GPHN: variants seen among roughly 807,000 people sequenced by gnomAD.
GPHN encodes the protein gephyrin.
GPHN carries 17 observed loss-of-function variants against 95.5 expected under a neutral mutation model. That is an observed-to-expected ratio of 0.18 (90% CI 0.12 to 0.27). The LOEUF (loss-of-function observed/expected upper bound fraction) is 0.27, where lower values mean the gene tolerates loss of function less well. Ranked by LOEUF, GPHN falls within the 10% of genes least tolerant of loss-of-function variation. GPHN has a pLI of 1.00. For missense variants in GPHN, 660 were observed against 978.1 expected, an observed-to-expected ratio of 0.67 and a Z score of 4.34; for synonymous variants, 320 against 322.5, an observed-to-expected ratio of 0.99 and a Z score of 0.08.
chr14:67,634,647 T>G, the GPHN span, among the ~76,000 whole-genome samples: 1 of 151,670 alleles, frequency 6.6e-6, no homozygotes, highest in South Asian at 2.1e-4. Flanking sequence ...TATTGCTCCC[T>G]TTTTTGAAAT....
At chr14:67,462,362 T>A in the GPHN span, among the ~76,000 whole-genome samples, 2 of 152,152 alleles carry the variant, frequency 1.3e-5, no homozygotes, top group African/African-American at 4.8e-5. Flanking sequence ...GCTTTTAAAT[T>A]TTTAGAGAGC....
intron 10 of GPHN, among the ~76,000 whole-genome samples, chr14:67,029,304 A>G (rs763661059): frequency 5.3e-5 from 8 of 150,906 alleles, no homozygotes; most frequent in Non-Finnish European, 1.0e-4. Context: ...TACTATGATT[A>G]GTATACTGGT....
At chr14:66,593,300 TAAAA>T (rs529882762) in intron 1 of GPHN, among the ~76,000 whole-genome samples, 3 of 139,728 alleles carry the variant, frequency 2.1e-5, no homozygotes, top group Admixed American at 7.1e-5. Flanking sequence ...TTAAAGTATT[TAAAA>T]AAAAAAAAAA....
intron 2 of GPHN, among the ~76,000 whole-genome samples, chr14:66,770,104 T>C (rs2059112595): frequency 6.6e-6 from 1 of 152,150 alleles, no homozygotes. Context: ...TTTCTCATGA[T>C]TGTTGGCTGT....
intron 17 of GPHN, among the ~76,000 whole-genome samples, chr14:67,137,846 A>G (rs1313305986): frequency 6.6e-6 from 1 of 152,184 alleles, no homozygotes; most frequent in African/African-American, 2.4e-5. Flanking sequence ...TTGTTAATGA[A>G]GAAAGATTTA....
At chr14:67,036,530 CACACACACACAG>C (rs1335889038) in intron 10 of GPHN, among the ~76,000 whole-genome samples, 3 of 149,900 alleles carry the variant, frequency 2.0e-5, no homozygotes, top group Admixed American at 6.7e-5. Context: ...CACACACACA[CACACACACACAG>C]AGAAACACTA....
intron 17 of GPHN, among the ~76,000 whole-genome samples, chr14:67,125,894 A>C (rs992557950): frequency 4.6e-5 from 7 of 152,076 alleles, no homozygotes; most frequent in African/African-American, 1.4e-4. Flanking sequence ...TTTAAATTCT[A>C]TATGATTCTA....
chr14:67,724,098 A>T, the GPHN span, among the ~76,000 whole-genome samples: 181 of 150,156 alleles, frequency 1.2e-3, no homozygotes, highest in Non-Finnish European at 2.1e-3. Flanking sequence ...GCTAATGTTT[A>T]TCATGCATAT....
At chr14:67,542,803 C>T in the GPHN span, among the ~76,000 whole-genome samples, 1 of 152,272 alleles carries the variant, frequency 6.6e-6, no homozygotes, top group African/African-American at 2.4e-5. Context: ...TGGGCTCAAG[C>T]GATTCTCCTG....
intron 1 of GPHN, among the ~76,000 whole-genome samples, chr14:66,643,020 A>G (rs1172171745): frequency 6.6e-6 from 1 of 152,094 alleles, no homozygotes; most frequent in Admixed American, 6.6e-5. Context: ...AAGGTAAATC[A>G]TAGAATGAAA....
At chr14:66,583,818 G>T (rs1182366709) in intron 1 of GPHN, among the ~76,000 whole-genome samples, 1 of 151,992 alleles carries the variant, frequency 6.6e-6, no homozygotes, top group African/African-American at 2.4e-5. Context: ...GTCAGGTAGC[G>T]TGATGCCTCC....
intron 1 of GPHN, among the ~76,000 whole-genome samples, chr14:66,611,007 T>A (rs1033234614): frequency 1.3e-5 from 2 of 152,288 alleles, no homozygotes; most frequent in Admixed American, 1.3e-4. Context: ...TTGCTAAAAC[T>A]GAATTTTACA....
chr14:67,698,635 A>T, the GPHN span, among the ~76,000 whole-genome samples: 1 of 152,222 alleles, frequency 6.6e-6, no homozygotes, highest in Admixed American at 6.5e-5. Flanking sequence ...ACATAAAAAA[A>T]TTATTAACTA....
intron 1 of GPHN, among the ~76,000 whole-genome samples, chr14:66,646,759 G>A (rs377706410): frequency 2.6e-5 from 4 of 152,094 alleles, no homozygotes; most frequent in Admixed American, 2.0e-4. Context: ...TGTTTAATGG[G>A]TATAGAGTTT....
chr14:66,613,099 T>A (rs962606196), intron 1 of GPHN, among the ~76,000 whole-genome samples: 1 of 152,122 alleles, frequency 6.6e-6, no homozygotes, highest in Non-Finnish European at 1.5e-5. Flanking sequence ...AATTATTGAA[T>A]ACTGAACCAT....
At chr14:66,840,865 G>C (rs1315468336) in intron 4 of GPHN, among the ~76,000 whole-genome samples, 15 of 150,852 alleles carry the variant, frequency 9.9e-5, no homozygotes, top group Admixed American at 8.7e-4. Flanking sequence ...AAAGCTCATA[G>C]TATGTGAGCT....
At chr14:66,877,038 C>A (rs2063700362) in intron 4 of GPHN, among the ~76,000 whole-genome samples, 1 of 152,164 alleles carries the variant, frequency 6.6e-6, no homozygotes, top group East Asian at 1.9e-4. Context: ...AGCTTATACA[C>A]CACAATCAAG....
chr14:66,551,574 C>T (rs1442328038), intron 1 of GPHN, among the ~76,000 whole-genome samples: 1 of 152,134 alleles, frequency 6.6e-6, no homozygotes, highest in African/African-American at 2.4e-5. Context: ...CTTGGTTATC[C>T]TCTAGACACC....
At chr14:67,144,272 T>TACACATAC (rs1567400961) in intron 18 of GPHN, among the ~76,000 whole-genome samples, 2 of 120,468 alleles carry the variant, frequency 1.7e-5, no homozygotes, top group Non-Finnish European at 3.2e-5. Context: ...TATATATATA[T>TACACATAC]ATATATATAT....
Sources: allele counts gnomAD v4.1 joint callset (sites outside exome capture counted in the v4.1 genomes callset), GRCh38; gene constraint gnomAD v4.1.1; transcripts MANE v1.5; gene names NCBI Gene and HGNC (gene_info 2026-07-23, HGNC 2026-07-21).